Variants in ADAMTS9 observed in about 807,000 individuals in gnomAD.
ADAMTS9 encodes the protein A disintegrin and metalloproteinase with thrombospondin motifs 9.
Under a neutral mutation model 257.1 loss-of-function variants are expected in ADAMTS9, and 107 were observed. The observed-to-expected ratio is 0.42, with a 90% CI of 0.36 to 0.49. ADAMTS9 has a LOEUF of 0.49. Among genes scored for constraint, ADAMTS9 ranks in the 20% least tolerant of loss-of-function variants. ADAMTS9 has a pLI of 0.03. For synonymous variants in ADAMTS9, 982 were observed against 880.9 expected (o/e 1.11, Z -2.03); for missense variants, 2,353 against 2,469.1 (o/e 0.95, Z 1.00).
At chr3:64,577,919 C>A (rs1266271302) in intron 28 of ADAMTS9, among the ~76,000 whole-genome samples, 1 of 152,206 alleles carries the variant, frequency 6.6e-6, no homozygotes, top group African/African-American at 2.4e-5. Flanking sequence ...GTCTTACTTT[C>A]TCTGCCTGTC....
intron 29 of ADAMTS9, 54 bp from the exon 30 acceptor site, chr3:64,561,805 G>C: frequency 2.2e-6 from 2 of 919,912 alleles, no homozygotes; most frequent in Middle Eastern, 2.4e-4. Context: ...TTTTTGGGGG[G>C]GCGGGGGGTG....
chr3:64,634,326 A>G (rs1461774206), intron 12 of ADAMTS9, among the ~76,000 whole-genome samples: 3 of 152,170 alleles, frequency 2.0e-5, no homozygotes, highest in Non-Finnish European at 4.4e-5. Context: ...GTACCTTGAC[A>G]TATTCACAGG....
intron 19 of ADAMTS9, among the ~76,000 whole-genome samples, chr3:64,619,698 G>A (rs1238012735): frequency 2.0e-5 from 3 of 152,072 alleles, no homozygotes; most frequent in African/African-American, 7.2e-5. Context: ...ATAGTTCTTA[G>A]TAAATGGTTG....
At chr3:64,613,779 A>G (rs990709204) in intron 21 of ADAMTS9, among the ~76,000 whole-genome samples, 10 of 152,168 alleles carry the variant, frequency 6.6e-5, no homozygotes, top group African/African-American at 2.4e-4. Context: ...AACATTCATA[A>G]TTTTATAGCA....
chr3:64,550,194 A>G (rs1045310965), intron 31 of ADAMTS9: 4 of 152,200 alleles, frequency 2.6e-5, no homozygotes, highest in African/African-American at 7.2e-5. Context: ...CTAGATAAGC[A>G]CTGTGCACAG....
intron 22 of ADAMTS9, among the ~76,000 whole-genome samples, chr3:64,607,832 C>T (rs1046540585): frequency 6.6e-6 from 1 of 152,152 alleles, no homozygotes. Context: ...TACCCACCTA[C>T]CACACTACAT....
At chr3:64,551,133 A>T in intron 30 of ADAMTS9, 71 bp from the exon 31 acceptor site, 1 of 1,514,356 alleles carries the variant, frequency 6.6e-7, no homozygotes, top group East Asian at 2.3e-5. Context: ...TTATGTGTTT[A>T]CCTGTCTACA....
At chr3:64,572,093 T>C (rs1038374071) in intron 28 of ADAMTS9, among the ~76,000 whole-genome samples, 1 of 152,214 alleles carries the variant, frequency 6.6e-6, no homozygotes, top group Non-Finnish European at 1.5e-5. Context: ...GACTTTTTTT[T>C]CTTGGGAAAC....
chr3:64,635,690 T>G (rs1468127144), intron 12 of ADAMTS9, among the ~76,000 whole-genome samples: 3 of 152,160 alleles, frequency 2.0e-5, no homozygotes, highest in African/African-American at 7.2e-5. Flanking sequence ...AGGACTGGAA[T>G]CCAAGTCTCC....
chr3:64,555,409 T>G (rs2083320724), intron 30 of ADAMTS9, among the ~76,000 whole-genome samples: 1 of 152,146 alleles, frequency 6.6e-6, no homozygotes, highest in South Asian at 2.1e-4. Context: ...TATTTTACAA[T>G]GAGCCAAGGT....
rs966674972 is a variant in ADAMTS9 at position 64,522,007 on chromosome 3, G to A, written c.*5+159C>T. ...GCAGAGAACTGATGGCTTCAGTCAC[G>A]TGAGGACAGAGGAGCAGGAGATAAA... On this transcript the variant is annotated intron_variant, in intron 39 of 39. Coordinates refer to ENST00000498707, the MANE Select transcript of ADAMTS9 (RefSeq NM_182920.2). Among the ~76,000 whole-genome samples the A allele has an allele frequency of 6.6e-5, 10 of 152,202 alleles. No homozygotes were observed. In the East Asian group the frequency reaches 1.2e-3, roughly 18 times the overall value.
chr3:64,566,234 A>G (rs544825558), intron 29 of ADAMTS9, among the ~76,000 whole-genome samples: 1 of 152,208 alleles, frequency 6.6e-6, no homozygotes, highest in Non-Finnish European at 1.5e-5. Context: ...AATAATCTTT[A>G]ATCATGCAGA....
intron 16 of ADAMTS9, among the ~76,000 whole-genome samples, chr3:64,624,346 T>C (rs1056426806): frequency 1.3e-5 from 2 of 152,034 alleles, no homozygotes; most frequent in African/African-American, 4.8e-5. Context: ...ATGGTAACTA[T>C]ATGGGTGATA....
intron 29 of ADAMTS9, among the ~76,000 whole-genome samples, chr3:64,567,121 G>A (rs545066830): frequency 5.9e-5 from 9 of 152,336 alleles, no homozygotes; most frequent in African/African-American, 1.9e-4. Context: ...GGAGGGCAGT[G>A]ATGCCAGATC....
At chr3:64,579,171 C>T (rs1333715402) in intron 28 of ADAMTS9, among the ~76,000 whole-genome samples, 2 of 152,168 alleles carry the variant, frequency 1.3e-5, no homozygotes, top group African/African-American at 4.8e-5. Flanking sequence ...AATTTCCTAT[C>T]CTATCATTCA....
At chr3:64,626,562 A>G (rs1282003831) in intron 16 of ADAMTS9, among the ~76,000 whole-genome samples, 1 of 152,208 alleles carries the variant, frequency 6.6e-6, no homozygotes, top group Non-Finnish European at 1.5e-5. Flanking sequence ...AAAGGAGGAT[A>G]AGGGTTGAAA....
intron 3 of ADAMTS9, among the ~76,000 whole-genome samples, chr3:64,671,492 G>C (rs553914811): frequency 6.6e-6 from 1 of 151,984 alleles, no homozygotes; most frequent in African/African-American, 2.4e-5. Context: ...TAGGAAACAC[G>C]AATGGAAAAT....
intron 28 of ADAMTS9, among the ~76,000 whole-genome samples, chr3:64,591,850 G>A (rs2084265034): frequency 6.6e-6 from 1 of 152,118 alleles, no homozygotes; most frequent in Non-Finnish European, 1.5e-5. Flanking sequence ...GCTACCCTTG[G>A]TCCCTAATAA....
intron 29 of ADAMTS9, among the ~76,000 whole-genome samples, chr3:64,566,708 A>G (rs1158142152): frequency 6.6e-6 from 1 of 152,214 alleles, no homozygotes; most frequent in Admixed American, 6.5e-5. Flanking sequence ...TCTGAACTTA[A>G]TTAATATTCA....
Sources: allele counts gnomAD v4.1 joint callset (sites outside exome capture counted in the v4.1 genomes callset), GRCh38; gene constraint gnomAD v4.1.1; transcripts MANE v1.5; gene names NCBI Gene and HGNC (gene_info 2026-07-23, HGNC 2026-07-21).